Variants in VEPH1 observed in about 807,000 individuals in gnomAD.
VEPH1 encodes the protein ventricular zone-expressed PH domain-containing protein homolog 1.
Under a neutral mutation model 85.2 loss-of-function variants are expected in VEPH1, and 80 were observed. That is an observed-to-expected ratio of 0.94 (90% CI 0.78 to 1.13). The LOEUF is 1.13. Ranked by LOEUF, VEPH1 falls within the 50% of genes most tolerant of loss-of-function variation. The pLI is 0.00. For synonymous variants in VEPH1, 297 were observed against 348.0 expected (o/e 0.85, Z 1.63); for missense variants, 955 against 980.5 (o/e 0.97, Z 0.35).
intron 2 of VEPH1, among the ~76,000 whole-genome samples, chr3:157,485,227 T>C (rs932639350): frequency 8.5e-5 from 13 of 152,286 alleles, no homozygotes; most frequent in Middle Eastern, 3.4e-3. Context: ...ACATTTTAAA[T>C]GGATATTTAA....
intron 4 of VEPH1, chr3:157,438,037 GCACACACACACACACACACA>G (rs781700719): frequency 1.6e-5 from 8 of 516,032 alleles, no homozygotes; most frequent in Non-Finnish European, 2.5e-5. Context: ...GCGCGCGCGC[GCACACACACACACACACACA>G]CACACACACA....
At chr3:157,303,428 G>T (rs1458458621) in intron 11 of VEPH1, among the ~76,000 whole-genome samples, 1 of 152,106 alleles carries the variant, frequency 6.6e-6, no homozygotes, top group Non-Finnish European at 1.5e-5. Flanking sequence ...AAATATTTTT[G>T]ACTGAATACA....
chr3:157,411,049 G>A (rs746316513), intron 6 of VEPH1, among the ~76,000 whole-genome samples: 28 of 152,140 alleles, frequency 1.8e-4, no homozygotes, highest in Non-Finnish European at 3.4e-4. Flanking sequence ...GTAAACAAAA[G>A]GTTGTGTTTG....
At chr3:157,451,980 G>A (rs1453794603) in intron 4 of VEPH1, among the ~76,000 whole-genome samples, 3 of 152,170 alleles carry the variant, frequency 2.0e-5, no homozygotes, top group African/African-American at 4.8e-5. Flanking sequence ...TAAACACAGA[G>A]TATGGCAGAA....
chr3:157,361,636 G>T (rs1315441168), intron 9 of VEPH1, among the ~76,000 whole-genome samples: 1 of 152,204 alleles, frequency 6.6e-6, no homozygotes, highest in Non-Finnish European at 1.5e-5. Flanking sequence ...GAACATGGTT[G>T]CTGCCTAAGA....
chr3:157,318,350 G>A (rs1720974746), intron 9 of VEPH1, among the ~76,000 whole-genome samples: 1 of 152,114 alleles, frequency 6.6e-6, no homozygotes, highest in Non-Finnish European at 1.5e-5. Context: ...GCTCATGCCT[G>A]TAATCCCAGC....
chr3:157,461,253 C>CT (rs909224295), intron 3 of VEPH1, among the ~76,000 whole-genome samples: 10 of 151,524 alleles, frequency 6.6e-5, no homozygotes, highest in Admixed American at 3.9e-4. Flanking sequence ...AAATTGCTTT[C>CT]TTTTTTTTTC....
chr3:157,476,638 C>T (rs994477247), intron 2 of VEPH1, among the ~76,000 whole-genome samples: 11 of 152,178 alleles, frequency 7.2e-5, no homozygotes, highest in African/African-American at 2.7e-4. Flanking sequence ...GGGCAGTACA[C>T]ATACTAAAAC....
chr3:157,263,318 A>G (rs1162854233), intron 13 of VEPH1, among the ~76,000 whole-genome samples: 1 of 152,182 alleles, frequency 6.6e-6, no homozygotes, highest in Non-Finnish European at 1.5e-5. Flanking sequence ...TTATTTCCTG[A>G]TAAACATGTC....
chr3:157,385,600 G>A (rs1019740737), intron 6 of VEPH1, among the ~76,000 whole-genome samples: 1 of 152,086 alleles, frequency 6.6e-6, no homozygotes, highest in East Asian at 1.9e-4. Context: ...AATTTCTTTA[G>A]TAACTTGTTA....
Position 157,363,414 on chromosome 3 carries a change from G to A in VEPH1, c.1685C>T (p.Ala562Val), listed in dbSNP as rs973956823. The A allele has an allele frequency of 2.5e-6, 4 of 1,612,796 alleles. No homozygotes were observed. Among genetic ancestry groups the A allele is most frequent in the Non-Finnish European group, 3.4e-6 (4 of 1,179,742 alleles). The stretch of plus-strand genomic sequence containing the variant: ...TGGAATCTTCTTTCCAATTTCCATG[G>A]CATATGCTTTCACTTTGCTGAGGTT... ...KKNLSKVKAY[A>V]MEIGKKIPVP... is the part of the protein sequence containing the mutation. Residue 562 changes from alanine (A) to valine (V), a missense_variant, in exon 9 of 14, where the codon GCC (alanine) becomes GTC (valine). Ala to Val is a moderately conservative substitution (Grantham distance 64). Transcript: ENST00000362010.
chr3:157,485,684 A>C (rs866653298), intron 2 of VEPH1, among the ~76,000 whole-genome samples: 5 of 152,074 alleles, frequency 3.3e-5, no homozygotes, highest in African/African-American at 4.8e-5. Flanking sequence ...AATAAGTATG[A>C]GTTGACTAAA....
chr3:157,461,036 T>C (rs1249200483), intron 3 of VEPH1, among the ~76,000 whole-genome samples: 1 of 152,152 alleles, frequency 6.6e-6, no homozygotes, highest in Non-Finnish European at 1.5e-5. Flanking sequence ...GCTTTTTGCC[T>C]ATATCTATCT....
chr3:157,269,428 G>A (rs919591786), intron 12 of VEPH1, among the ~76,000 whole-genome samples: 2 of 152,132 alleles, frequency 1.3e-5, no homozygotes, highest in Non-Finnish European at 2.9e-5. Flanking sequence ...AATGAAAATG[G>A]TTTTAGAAAG....
intron 7 of VEPH1, 115 bp downstream of exon 7, chr3:157,381,041 C>A: frequency 1.0e-6 from 1 of 1,003,944 alleles, no homozygotes; most frequent in Admixed American, 2.0e-5. Context: ...AGATATTATT[C>A]TCTGTTGAGA....
chr3:157,318,961 G>A (rs1721087101), intron 9 of VEPH1, among the ~76,000 whole-genome samples: 1 of 152,126 alleles, frequency 6.6e-6, no homozygotes, highest in African/African-American at 2.4e-5. Flanking sequence ...AAGACAGAGT[G>A]TTGTTGAATT....
intron 6 of VEPH1, among the ~76,000 whole-genome samples, chr3:157,392,304 A>G (rs975922437): frequency 3.3e-5 from 5 of 152,196 alleles, no homozygotes; most frequent in Non-Finnish European, 7.4e-5. Context: ...TCTTACATGG[A>G]TGGCAGCAGG....
chr3:157,372,983 C>T (rs1019207419), intron 7 of VEPH1, among the ~76,000 whole-genome samples: 5 of 152,150 alleles, frequency 3.3e-5, no homozygotes, highest in African/African-American at 1.2e-4. Flanking sequence ...ATAATGCACA[C>T]CTGTAACAAA....
chr3:157,409,994 A>T, intron 6 of VEPH1: 3 of 931,414 alleles, frequency 3.2e-6, no homozygotes, highest in Non-Finnish European at 3.8e-6. Context: ...TGCTCTGATC[A>T]GTCAGAGATT....
Sources: allele counts gnomAD v4.1 joint callset (sites outside exome capture counted in the v4.1 genomes callset), GRCh38; gene constraint gnomAD v4.1.1; transcripts MANE v1.5; gene names NCBI Gene and HGNC (gene_info 2026-07-23, HGNC 2026-07-21).